The following GIT2 variants were observed in gnomAD, a reference collection of about 807,000 sequenced individuals.
GIT2 encodes GIT ArfGAP 2, also known as ARF GTPase-activating protein GIT2.
In GIT2, 32 loss-of-function variants were observed where a neutral mutation model predicts 100.3. The ratio of observed to expected loss-of-function variants is 0.32; its 90% CI spans 0.24 to 0.43. The LOEUF (loss-of-function observed/expected upper bound fraction) is 0.43, where lower values mean the gene tolerates loss of function less well. GIT2 is among the 20% of genes least tolerant of loss of function. GIT2 has a pLI of 1.00. For synonymous variants in GIT2, 353 were observed against 364.1 expected (o/e 0.97, Z 0.35); for missense variants, 737 against 975.1 (o/e 0.76, Z 3.25).
At chr12:109,939,508 A>T (rs1873972947) in intron 16 of GIT2, 1 of 299,558 alleles carries the variant, frequency 3.3e-6, no homozygotes, top group Admixed American at 4.8e-5. Flanking sequence ...CAGACATGCA[A>T]GGCAACATAT....
Position 109,947,476 on chromosome 12 carries a change from T to C in GIT2, c.1421A>G (p.Asn474Ser). Residue 474 changes from asparagine to serine, a missense_variant, in exon 15 of 20, where the codon AAC (asparagine) becomes AGC (serine). Asn to Ser is a conservative substitution (Grantham distance 46). Transcript: ENST00000355312. This position sits in a 1 kb window ranked among gnomAD's most constrained non-coding sequence, Gnocchi z 4.3. ...ATTGGTTGTGGCCTGTTTCCTGAGGTTCGAATTTTCACTCTGGAGTGTTTG... is the reference window on the plus strand; with the variant it reads ...ATTGGTTGTGGCCTGTTTCCTGAGGCTCGAATTTTCACTCTGGAGTGTTTG... ...KLQTLQSENS[N>S]LRKQATTNVY... The C allele has an allele frequency of 6.2e-7, 1 of 1,613,880 alleles. No homozygotes were observed. Among genetic ancestry groups the C allele is most frequent in the Non-Finnish European group, 8.5e-7 (1 of 1,179,808 alleles).
chr12:109,976,276 C>G (rs1289050797), intron 7 of GIT2, among the ~76,000 whole-genome samples: 1 of 150,656 alleles, frequency 6.6e-6, no homozygotes, highest in Non-Finnish European at 1.5e-5. Flanking sequence ...GAAAACCCTA[C>G]TAGATAATTT....
rs1301257235 is a variant in GIT2, at chr12:109,991,780, T to G, written c.53-20A>C. On this transcript the variant is annotated intron_variant, in intron 1 of 19. Coordinates refer to ENST00000355312, the MANE Select transcript of GIT2 (RefSeq NM_057169.5). ...AAGGATCTGGAAAGAGAGTGAAATCTCAGTGGCAGGGATACCAGCAGGTTG... is the reference window on the plus strand; with the variant it reads ...AAGGATCTGGAAAGAGAGTGAAATCGCAGTGGCAGGGATACCAGCAGGTTG... The G allele has an allele frequency of 6.2e-7, 1 of 1,604,808 alleles. No individual in the cohort carries two copies. The highest frequency in any genetic ancestry group is 1.1e-5 in the South Asian group (1 of 89,776).
At position 109,961,312 on chromosome 12, in the gene GIT2, G is replaced by A. The variant is rs188922245; in HGVS notation, c.953C>T (p.Pro318Leu). Residue 318 changes from proline to leucine, a missense_variant, in exon 11 of 20, where the codon CCG becomes CTG. Pro to Leu is a moderately conservative substitution (Grantham distance 98). This residue lies in a region of GIT2 where 20 missense variants were observed against 55.2 expected (regional missense o/e 0.36). Transcript: ENST00000355312. ...VTETTVVPFL[P>L]VNPEYSSTRN... is the part of the protein sequence containing the mutation. ...TGTTGATGAGTACTCAGGATTGACC[G>A]GAAGAAAGGGGACGACCGTTGTCTC... 1.9e-5 allele frequency: 30 copies of A among 1,612,834 alleles called. No homozygotes were observed. The highest frequency in any genetic ancestry group is 1.3e-4 in the East Asian group (6 of 44,874).
chr12:109,985,031 T>C (rs1029230039), intron 4 of GIT2, among the ~76,000 whole-genome samples: 1 of 152,250 alleles, frequency 6.6e-6, no homozygotes, highest in Non-Finnish European at 1.5e-5. Context: ...AGTCAGAAGA[T>C]GAGCTGCCTT....
At position 109,933,165 on chromosome 12, in the gene GIT2, G is replaced by A. The variant is rs752551743; in HGVS notation, c.2093C>T (p.Thr698Ile). Residue 698 changes from threonine (T) to isoleucine (I), a missense_variant, in exon 20 of 20, where the codon ACT becomes ATT. Coordinates refer to ENST00000355312, the MANE Select transcript of GIT2 (RefSeq NM_057169.5). The surrounding 1 kb of genome is among the most constrained non-coding windows in gnomAD (Gnocchi z 4.5). The part of the protein sequence containing the change: ...PKKPKSDMVR[T>I]SLRLLTSSAY... ...ACTGGACGTCAGTAAACGAAGGGAA[G>A]TCCTCACCATATCAGACTTGGGTTT... The A allele has an allele frequency of 1.9e-6, 3 of 1,570,368 alleles. No homozygotes were observed. The highest frequency in any genetic ancestry group is 3.8e-5 in the Admixed American group (2 of 52,530).
chr12:109,976,747 C>T (rs964761865), intron 7 of GIT2, among the ~76,000 whole-genome samples: 15 of 151,864 alleles, frequency 9.9e-5, no homozygotes, highest in African/African-American at 3.6e-4. Context: ...TACCACCATG[C>T]CCGGTTAATT....
chr12:109,991,846 G>A, intron 1 of GIT2, 86 bp from the exon 2 acceptor site: 1 of 1,237,746 alleles, frequency 8.1e-7, no homozygotes, highest in Non-Finnish European at 1.2e-6. Context: ...AGTTTGGTTT[G>A]TCAGAAAAAG....
At chr12:109,965,176 T>C (rs1882020551) in intron 9 of GIT2, among the ~76,000 whole-genome samples, 1 of 152,164 alleles carries the variant, frequency 6.6e-6, no homozygotes, top group African/African-American at 2.4e-5. Context: ...TCTAGAACCC[T>C]ACATGGCTAA....
At chr12:109,963,615 C>T (rs1183264293) in intron 9 of GIT2, among the ~76,000 whole-genome samples, 1 of 152,146 alleles carries the variant, frequency 6.6e-6, no homozygotes, top group Non-Finnish European at 1.5e-5. Flanking sequence ...CTAACATTTA[C>T]TCATTCAAGG....
intron 16 of GIT2, chr12:109,939,872 C>A (rs1434664835): frequency 1.3e-5 from 2 of 152,248 alleles, no homozygotes; most frequent in Non-Finnish European, 2.9e-5. Flanking sequence ...TAAGATAAGA[C>A]CCTGTCTCAG....
At chr12:109,951,478 G>C (rs1434487469) in intron 13 of GIT2, among the ~76,000 whole-genome samples, 162 bp from the exon 14 acceptor site, 1 of 151,994 alleles carries the variant, frequency 6.6e-6, no homozygotes, top group Non-Finnish European at 1.5e-5. Flanking sequence ...ATAAAAGTAG[G>C]GTCACTATAC....
At chr12:109,971,270 T>C (rs1315001670) in intron 7 of GIT2, among the ~76,000 whole-genome samples, 1 of 152,198 alleles carries the variant, frequency 6.6e-6, no homozygotes, top group South Asian at 2.1e-4. Flanking sequence ...TTTTGGCATA[T>C]AGATACTACA....
Position 109,947,213 on chromosome 12 carries a change from G to T in GIT2, c.1641+43C>A. ...TCAGAAGAGGGAACAGAGTAGACAG[G>T]CTGCATAGAGTGAACAGCAGAAGCG... On this transcript the variant is annotated intron_variant, in intron 15 of 19. Transcript: ENST00000355312. The surrounding 1 kb of genome is among the most constrained non-coding windows in gnomAD (Gnocchi z 4.3). 6.3e-7 allele frequency: 1 copy of T among 1,581,408 alleles called. No homozygotes were observed. The highest frequency in any genetic ancestry group is 8.6e-7 in the Non-Finnish European group (1 of 1,159,382).
At chr12:109,954,424 T>C (rs1475803169) in intron 12 of GIT2, 1 of 152,138 alleles carries the variant, frequency 6.6e-6, no homozygotes, top group East Asian at 1.9e-4. Context: ...GTCTATCCCA[T>C]AGGGAGCAGG....
At chr12:109,991,333 G>A (rs73205042) in intron 2 of GIT2, among the ~76,000 whole-genome samples, 12,337 of 150,476 alleles carry the variant, frequency 0.082, 539 homozygotes, top group Middle Eastern at 0.13. Flanking sequence ...AAACATTTCC[G>A]ATGACAGTCT....
chr12:109,943,667 T>C (rs1169225459), intron 16 of GIT2, among the ~76,000 whole-genome samples: 1 of 151,686 alleles, frequency 6.6e-6, no homozygotes. Flanking sequence ...AGAATTCTTT[T>C]TTTTTTTTTT....
intron 12 of GIT2, 105 bp downstream of exon 12, chr12:109,959,742 T>C (rs531712158): frequency 1.1e-5 from 8 of 703,984 alleles, no homozygotes; most frequent in South Asian, 8.7e-5. Flanking sequence ...CAAAAACCTA[T>C]AGAACTGTCA....
chr12:109,961,456 G>A (rs781351652), intron 10 of GIT2, 81 bp from the exon 11 acceptor site: 56 of 987,078 alleles, frequency 5.7e-5, no homozygotes, highest in Non-Finnish European at 8.0e-5. Context: ...CACGCACTAC[G>A]AGGGGAAACA....
Sources: gnomAD v4.1 joint callset for allele counts (sites outside exome capture counted in the v4.1 genomes callset) on GRCh38, gnomAD v4.1.1 for gene constraint, gnomAD v4.1.1 regional missense constraint, Gnocchi (gnomAD v3.1) non-coding constraint, MANE v1.5 for transcripts, NCBI Gene and HGNC (gene_info 2026-07-23, HGNC 2026-07-21) for gene names.